Variants in SLC45A4 observed in about 807,000 individuals in gnomAD.
SLC45A4 encodes the protein polyamine-transporter SLC45A4.
SLC45A4 carries 32 observed loss-of-function variants against 63.7 expected under a neutral mutation model. The ratio of observed to expected loss-of-function variants is 0.50; its 90% CI spans 0.38 to 0.67. The LOEUF is 0.67. SLC45A4 is among the 30% of genes least tolerant of loss of function. SLC45A4 has a pLI of 0.00. For synonymous variants in SLC45A4, 535 were observed against 510.0 expected, an observed-to-expected ratio of 1.05 and a Z score of -0.66; for missense variants, 1,027 against 1,157.7, an observed-to-expected ratio of 0.89 and a Z score of 1.64.
intron 1 of SLC45A4, among the ~76,000 whole-genome samples, chr8:141,269,683 G>A (rs1312417656): frequency 6.6e-6 from 1 of 151,484 alleles, no homozygotes; most frequent in African/African-American, 2.4e-5. Context: ...GTGTGGGCAT[G>A]TGTATGTGTG....
At position 141,212,415 on chromosome 8, in the gene SLC45A4, T is replaced by A; in HGVS notation, c.2083A>T (p.Ile695Phe). 2.5e-6 allele frequency: 4 copies of A among 1,613,750 alleles called. No individual in the cohort carries two copies. The highest frequency in any genetic ancestry group is 3.4e-6 in the Non-Finnish European group (4 of 1,180,034). ...VVDAVGTVRV[I>F]PMVASVGSFL... The stretch of plus-strand genomic sequence containing the variant: ...GAGCCCACAGAGGCCACCATGGGGA[T>A]GACGCGGACAGTCCCCACGGCGTCG... The change falls in exon 8 of 9, where the codon ATC becomes TTC. Residue 695 changes from isoleucine to phenylalanine, a missense_variant. Coordinates refer to ENST00000517878, the MANE Select transcript of SLC45A4 (RefSeq NM_001286646.2).
Position 141,286,648 on chromosome 8 carries a change from C to A in SLC45A4, c.-401+21448G>T, listed in dbSNP as rs1266242991. 3.9e-5 allele frequency among the ~76,000 whole-genome samples: 6 copies of A among 151,956 alleles called. No homozygotes were observed. The South Asian group carries it at 1.2e-3, about 32-fold the overall frequency. ...AGAGCCTGCCCCCCAGAAATGTGAC[C>A]CCCTGTTATCAGCCAGGAGCCCCAG... On this transcript the variant is annotated intron_variant, in intron 1 of 8. Transcript: ENST00000517878.
chr8:141,274,950 G>A (rs973873263), intron 1 of SLC45A4, among the ~76,000 whole-genome samples: 6 of 152,240 alleles, frequency 3.9e-5, no homozygotes, highest in Admixed American at 1.3e-4. Context: ...GGGCCACTGC[G>A]GATGGGAGAC....
At chr8:141,211,781 G>C in intron 8 of SLC45A4, 84 bp from the exon 9 acceptor site, 1 of 1,385,038 alleles carries the variant, frequency 7.2e-7, no homozygotes, top group Non-Finnish European at 9.4e-7. Flanking sequence ...ACTTAGCAGA[G>C]AATGTCAGAT....
intron 3 of SLC45A4, 129 bp from the exon 4 acceptor site, chr8:141,219,958 CAA>C (rs1826498915): frequency 2.3e-6 from 2 of 876,016 alleles, no homozygotes; most frequent in African/African-American, 1.7e-5. Context: ...CCTTCCAGCA[CAA>C]GAGAGAGGCT....
In SLC45A4 at chr8:141,275,562, A is replaced by C. The variant is rs115277865; in HGVS notation, c.-400-20933T>G. Among the ~76,000 whole-genome samples, 823 of 152,010 alleles carry C rather than the reference A, an allele frequency of 5.4e-3. 9 individuals are homozygous for C. Among genetic ancestry groups the C allele is most frequent in the African/African-American group, 0.018 (760 of 41,466 alleles). On this transcript the variant is annotated intron_variant, in intron 1 of 8. Coordinates refer to ENST00000517878, the MANE Select transcript of SLC45A4 (RefSeq NM_001286646.2). ...GCAGTGAACCATGACTCCACCTGTG[A>C]ATAGGTGGCGTGTTCCAGCCTGGGC...
chr8:141,245,083 C>A (rs1263352237), intron 2 of SLC45A4, among the ~76,000 whole-genome samples: 1 of 151,882 alleles, frequency 6.6e-6, no homozygotes, highest in African/African-American at 2.4e-5. Context: ...AAGTTACCAC[C>A]AAGGCTGCTG....
At position 141,212,422 on chromosome 8, in the gene SLC45A4, G is replaced by A; in HGVS notation, c.2076C>T (p.Val692=). 6.2e-7 allele frequency: 1 copy of A among 1,613,786 alleles called. No homozygotes were observed. Residue 692 remains valine, a synonymous_variant, in exon 8 of 9, where the codon GTC becomes GTT. Coordinates refer to ENST00000517878, the MANE Select transcript of SLC45A4 (RefSeq NM_001286646.2). ...CAGAGGCCACCATGGGGATGACGCG[G>A]ACAGTCCCCACGGCGTCGACCACGC... ...LGGVVDAVGT[V]RVIPMVASVG... is the part of the protein sequence containing the mutation.
chr8:141,284,850 G>C (rs541922272), intron 1 of SLC45A4, among the ~76,000 whole-genome samples: 1 of 152,042 alleles, frequency 6.6e-6, no homozygotes, highest in Non-Finnish European at 1.5e-5. Flanking sequence ...CCTGACTGTG[G>C]AAGAGAACAG....
At chr8:141,216,754 A>G (rs897825667) in intron 6 of SLC45A4, among the ~76,000 whole-genome samples, 3 of 152,152 alleles carry the variant, frequency 2.0e-5, no homozygotes, top group Admixed American at 6.5e-5. Flanking sequence ...TGCTCTGATC[A>G]TCAGGCCTTC....
At chr8:141,245,481 T>G (rs1277073660) in intron 2 of SLC45A4, among the ~76,000 whole-genome samples, 1 of 152,132 alleles carries the variant, frequency 6.6e-6, no homozygotes, top group Non-Finnish European at 1.5e-5. Context: ...TGTCCAGGGT[T>G]CCCAGAGCCC....
In SLC45A4 at chr8:141,288,257, T is replaced by C. The variant is rs371977838; in HGVS notation, c.-401+19839A>G. On this transcript the variant is annotated intron_variant, in intron 1 of 8. Transcript: ENST00000517878. The stretch of plus-strand genomic sequence containing the variant: ...TCGAGGGCTGCCCTTGTGCAGCTCA[T>C]TCAAAACCTGCAGAAGGCTGGCCGC... 7.4e-4 allele frequency among the ~76,000 whole-genome samples: 113 copies of C among 152,316 alleles called. 2 individuals are homozygous for C. In the South Asian group the frequency reaches 0.022, roughly 30 times the overall value.
chr8:141,289,097 G>A (rs761411100), intron 1 of SLC45A4, among the ~76,000 whole-genome samples: 1 of 152,222 alleles, frequency 6.6e-6, no homozygotes, highest in African/African-American at 2.4e-5. Context: ...AGCCAGGTGC[G>A]CGATGGAGTC....
At chr8:141,263,787 A>AAAAAAAAAT (rs1563657435) in intron 1 of SLC45A4, among the ~76,000 whole-genome samples, 1 of 143,852 alleles carries the variant, frequency 7.0e-6, no homozygotes, top group Non-Finnish European at 1.5e-5. Flanking sequence ...AAAAAAATAA[A>AAAAAAAAAT]AATAATAATA....
chr8:141,293,735 C>T (rs1830439295), intron 1 of SLC45A4, among the ~76,000 whole-genome samples: 1 of 152,044 alleles, frequency 6.6e-6, no homozygotes, highest in Admixed American at 6.6e-5. Flanking sequence ...GAGTTTGAAA[C>T]CAGCCTGGCA....
chr8:141,235,607 A>G (rs1199325058), intron 2 of SLC45A4, among the ~76,000 whole-genome samples: 1 of 152,238 alleles, frequency 6.6e-6, no homozygotes, highest in Non-Finnish European at 1.5e-5. Flanking sequence ...GAACTGTTTC[A>G]GAGCTTAGGT....
chr8:141,292,060 G>A (rs570229343), intron 1 of SLC45A4, among the ~76,000 whole-genome samples: 3 of 152,206 alleles, frequency 2.0e-5, no homozygotes, highest in African/African-American at 2.4e-5. Flanking sequence ...GAGGCCATGC[G>A]CTAACTTAGG....
At chr8:141,242,620 G>T (rs745423662) in intron 2 of SLC45A4, among the ~76,000 whole-genome samples, 2 of 152,198 alleles carry the variant, frequency 1.3e-5, no homozygotes, top group Non-Finnish European at 2.9e-5. Flanking sequence ...TGGTACATCG[G>T]TGAGTGCCCC....
At chr8:141,307,478 C>A (rs983492502) in intron 1 of SLC45A4, among the ~76,000 whole-genome samples, 1 of 151,626 alleles carries the variant, frequency 6.6e-6, no homozygotes, top group Non-Finnish European at 1.5e-5. Flanking sequence ...CACTGGCTAG[C>A]AGTGCTGCCA....
Sources: allele counts gnomAD v4.1 joint callset (sites outside exome capture counted in the v4.1 genomes callset), GRCh38; gene constraint gnomAD v4.1.1; transcripts MANE v1.5; gene names NCBI Gene and HGNC (gene_info 2026-07-23, HGNC 2026-07-21).